RASAL2: variants seen among roughly 807,000 people sequenced by gnomAD.
The protein encoded by RASAL2 is RAS protein activator like 2, also known as ras GTPase-activating protein nGAP.
A neutral mutation model predicts 128.9 loss-of-function variants in RASAL2; 58 were observed. The observed-to-expected ratio is 0.45, with a 90% CI of 0.36 to 0.56. RASAL2 has a LOEUF of 0.56. RASAL2 is among the 20% of genes least tolerant of loss of function. The pLI, the probability that RASAL2 is intolerant of heterozygous loss-of-function variation, is 0.00. For synonymous variants in RASAL2, 561 were observed against 580.8 expected, an observed-to-expected ratio of 0.97 and a Z score of 0.49; for missense variants, 1,360 against 1,601.6, an observed-to-expected ratio of 0.85 and a Z score of 2.57.
chr1:178,228,122 C>G (rs1663860083), intron 1 of RASAL2, among the ~76,000 whole-genome samples: 1 of 152,124 alleles, frequency 6.6e-6, no homozygotes, highest in Admixed American at 6.5e-5. Flanking sequence ...TTTTAGCTAG[C>G]CGTGACAGAT....
intron 1 of RASAL2, among the ~76,000 whole-genome samples, chr1:178,189,405 C>G (rs548774803): frequency 1.3e-5 from 2 of 152,228 alleles, no homozygotes; most frequent in South Asian, 2.1e-4. Context: ...AAAGAAAGAC[C>G]AAAGTAAACC....
intron 1 of RASAL2, among the ~76,000 whole-genome samples, chr1:178,259,709 G>A (rs945142596): frequency 4.6e-5 from 7 of 152,112 alleles, no homozygotes; most frequent in African/African-American, 1.7e-4. Context: ...CTACAGGTGT[G>A]TGCTCCCATG....
chr1:178,181,986 A>T (rs1379590725), intron 1 of RASAL2, among the ~76,000 whole-genome samples: 1 of 152,020 alleles, frequency 6.6e-6, no homozygotes, highest in East Asian at 1.9e-4. Flanking sequence ...TCCATTCTGT[A>T]TTCTTTGGAA....
chr1:178,444,351 C>T (rs1210686862), intron 8 of RASAL2, among the ~76,000 whole-genome samples: 12 of 152,052 alleles, frequency 7.9e-5, no homozygotes, highest in Admixed American at 5.3e-4. Context: ...ACCGTTACCC[C>T]CAAGAGTTTC....
At position 178,231,240 on chromosome 1, in the gene RASAL2, G is replaced by A. The variant is rs1468531888; in HGVS notation, c.203-52324G>A. On this transcript the variant is annotated intron_variant, in intron 1 of 17. Transcript: ENST00000367649. ...GGTGGTCACCTGACATTCCTGGTGGGGTGGGCCCTCTCCTGTCCTGTTCAT... is the reference window on the plus strand; with the variant it reads ...GGTGGTCACCTGACATTCCTGGTGGAGTGGGCCCTCTCCTGTCCTGTTCAT... Among the ~76,000 whole-genome samples the A allele has an allele frequency of 3.3e-5, 5 of 152,006 alleles. No homozygotes were observed. The East Asian group carries it at 9.6e-4, about 29-fold the overall frequency.
At chr1:178,108,599 G>A (rs1478188825) in intron 1 of RASAL2, among the ~76,000 whole-genome samples, 2 of 152,112 alleles carry the variant, frequency 1.3e-5, no homozygotes, top group Non-Finnish European at 2.9e-5. Flanking sequence ...TGGCTGATGC[G>A]GGATTTGAAT....
At chr1:178,451,477 C>G in intron 9 of RASAL2, 94 bp from the exon 10 acceptor site, 4 of 1,309,780 alleles carry the variant, frequency 3.1e-6, no homozygotes, top group Non-Finnish European at 4.1e-6. Flanking sequence ...AAGAATTCCC[C>G]ATTATACGTT....
At chr1:178,445,150 A>AAG (rs1167062230) in intron 8 of RASAL2, among the ~76,000 whole-genome samples, 2 of 151,970 alleles carry the variant, frequency 1.3e-5, no homozygotes, top group African/African-American at 4.8e-5. Flanking sequence ...TGGAAAAAAA[A>AAG]AAAAAAAGGC....
intron 3 of RASAL2, among the ~76,000 whole-genome samples, chr1:178,374,728 C>T (rs1671897416): frequency 6.6e-6 from 1 of 152,116 alleles, no homozygotes; most frequent in Non-Finnish European, 1.5e-5. Flanking sequence ...CCCAAGCCTC[C>T]CTTCCAACCA....
intron 1 of RASAL2, among the ~76,000 whole-genome samples, chr1:178,137,633 C>CTGT (rs1393538095): frequency 8.5e-5 from 13 of 152,256 alleles, no homozygotes; most frequent in African/African-American, 3.1e-4. Context: ...ATTAGCAAAG[C>CTGT]TGTTAACTTT....
intron 1 of RASAL2, among the ~76,000 whole-genome samples, chr1:178,226,168 G>T (rs1039697190): frequency 3.9e-5 from 6 of 152,102 alleles, no homozygotes; most frequent in South Asian, 4.1e-4. Flanking sequence ...AATCTCAGGC[G>T]GAGTAGTAAA....
intron 1 of RASAL2, among the ~76,000 whole-genome samples, chr1:178,275,200 A>G (rs930697596): frequency 6.6e-6 from 1 of 152,168 alleles, no homozygotes; most frequent in Admixed American, 6.5e-5. Flanking sequence ...CTCTTTTAAG[A>G]GACTGGGTTG....
At chr1:178,186,073 A>G (rs2101938452) in intron 1 of RASAL2, among the ~76,000 whole-genome samples, 1 of 152,260 alleles carries the variant, frequency 6.6e-6, no homozygotes, top group African/African-American at 2.4e-5. Flanking sequence ...ATATAGAGCT[A>G]TTAAAGTTAT....
chr1:178,215,497 A>G (rs1419823172), intron 1 of RASAL2, among the ~76,000 whole-genome samples: 6 of 152,228 alleles, frequency 3.9e-5, no homozygotes, highest in Non-Finnish European at 7.3e-5. Context: ...TTGTTCAACT[A>G]AATCTTTGCT....
At chr1:178,313,937 A>C (rs1003672588) in intron 3 of RASAL2, among the ~76,000 whole-genome samples, 3 of 152,134 alleles carry the variant, frequency 2.0e-5, no homozygotes, top group African/African-American at 7.2e-5. Flanking sequence ...AGACAATAAA[A>C]ACAACCTCTA....
chr1:178,412,037 T>C, intron 4 of RASAL2: 1 of 397,624 alleles, frequency 2.5e-6, no homozygotes, highest in South Asian at 3.6e-5. Flanking sequence ...CAAAATACTT[T>C]CTGAAAATAA....
intron 14 of RASAL2, among the ~76,000 whole-genome samples, chr1:178,462,950 G>A (rs1445307547): frequency 6.6e-6 from 1 of 151,618 alleles, no homozygotes; most frequent in South Asian, 2.1e-4. Flanking sequence ...TTTTGCATGT[G>A]TAAGTTTTAA....
chr1:178,458,276 A>G lies in RASAL2; in HGVS notation c.2984A>G (p.His995Arg), dbSNP rs1677924950. ...FSRRHTVPDR[H>R]IPLALPRQNS... ...AGGCGGCACACGGTGCCAGATAGAC[A>G]CATACCTCTTGCTTTGCCACGACAA... Residue 995 changes from histidine (H) to arginine (R), a missense_variant, in exon 14 of 18, where the codon CAC becomes CGC. His to Arg is a conservative substitution (Grantham distance 29, BLOSUM62 0). Transcript: ENST00000367649. The G allele has an allele frequency of 1.2e-6, 2 of 1,614,260 alleles. No homozygotes were observed. Among genetic ancestry groups the G allele is most frequent in the East Asian group, 4.5e-5 (2 of 44,886 alleles).
chr1:178,113,732 A>G (rs2102253814), intron 1 of RASAL2, among the ~76,000 whole-genome samples: 1 of 152,192 alleles, frequency 6.6e-6, no homozygotes, highest in East Asian at 1.9e-4. Flanking sequence ...AGCCTGCAAG[A>G]TTTTGATTGG....
Sources: allele counts gnomAD v4.1 joint callset (sites outside exome capture counted in the v4.1 genomes callset), GRCh38; gene constraint gnomAD v4.1.1; transcripts MANE v1.5; gene names NCBI Gene and HGNC (gene_info 2026-07-23, HGNC 2026-07-21).